The following NELL1 variants were observed in gnomAD, a reference collection of about 807,000 sequenced individuals.
NELL1 encodes the protein neural EGFL like 1, also known as protein kinase C-binding protein NELL1.
NELL1 carries 76 observed loss-of-function variants against 107.4 expected under a neutral mutation model. That is an observed-to-expected ratio of 0.71 (90% CI 0.59 to 0.86). The LOEUF (loss-of-function observed/expected upper bound fraction) is 0.86. Among genes scored for constraint, NELL1 ranks in the 40% least tolerant of loss-of-function variants. The pLI, the probability that NELL1 is intolerant of heterozygous loss-of-function variation, is 0.00. For missense variants in NELL1, 1,024 were observed against 1,005.5 expected, an observed-to-expected ratio of 1.02 and a Z score of -0.25; for synonymous variants, 353 against 341.2, an observed-to-expected ratio of 1.03 and a Z score of -0.38.
intron 13 of NELL1, among the ~76,000 whole-genome samples, chr11:21,197,418 C>CA (rs58951508): frequency 7.0e-6 from 1 of 142,666 alleles, no homozygotes; most frequent in African/African-American, 2.6e-5. Flanking sequence ...AACAAACAAC[C>CA]AAAAAAAAAA....
At chr11:21,258,896 A>T (rs924314434) in intron 14 of NELL1, among the ~76,000 whole-genome samples, 1 of 151,998 alleles carries the variant, frequency 6.6e-6, no homozygotes, top group South Asian at 2.1e-4. Flanking sequence ...CATAATTATT[A>T]CTAATGGAAT....
At chr11:21,055,521 C>T (rs1027584914) in intron 12 of NELL1, among the ~76,000 whole-genome samples, 1 of 152,110 alleles carries the variant, frequency 6.6e-6, no homozygotes, top group Non-Finnish European at 1.5e-5. Flanking sequence ...TTACATAATT[C>T]TTTATAAATC....
At chr11:20,672,188 G>A (rs1018110805) in intron 1 of NELL1, among the ~76,000 whole-genome samples, 3 of 152,230 alleles carry the variant, frequency 2.0e-5, no homozygotes, top group African/African-American at 4.8e-5. Context: ...GCAGCCCTCT[G>A]ATTCTGTGCA....
chr11:21,030,274 T>TA (rs1852920544), intron 12 of NELL1, among the ~76,000 whole-genome samples: 1 of 152,206 alleles, frequency 6.6e-6, no homozygotes, highest in Non-Finnish European at 1.5e-5. Flanking sequence ...TGGTTCAGGT[T>TA]AAAGCCTTGT....
At chr11:21,042,781 A>G (rs1045034987) in intron 12 of NELL1, among the ~76,000 whole-genome samples, 3 of 152,168 alleles carry the variant, frequency 2.0e-5, no homozygotes, top group African/African-American at 2.4e-5. Flanking sequence ...TGTTTCCAAC[A>G]TAAATTCCAA....
chr11:20,956,091 C>T (rs919044151), intron 11 of NELL1, among the ~76,000 whole-genome samples: 8 of 152,012 alleles, frequency 5.3e-5, no homozygotes, highest in South Asian at 4.2e-4. Context: ...TGGTGGTACA[C>T]GCCTGTAGTC....
At chr11:21,337,762 T>TTC (rs1240064939) in intron 14 of NELL1, among the ~76,000 whole-genome samples, 2 of 144,370 alleles carry the variant, frequency 1.4e-5, no homozygotes, top group African/African-American at 5.2e-5. Context: ...CTTTCTTTCT[T>TTC]TCTTTCTTTC....
intron 19 of NELL1, among the ~76,000 whole-genome samples, chr11:21,573,828 C>T (rs1255941602): frequency 1.3e-5 from 2 of 149,644 alleles, no homozygotes; most frequent in African/African-American, 5.1e-5. Flanking sequence ...TCCTTTCATC[C>T]TGGAAAAGTT....
At chr11:20,959,868 C>A (rs1348030280) in intron 11 of NELL1, among the ~76,000 whole-genome samples, 1 of 152,080 alleles carries the variant, frequency 6.6e-6, no homozygotes, top group African/African-American at 2.4e-5. Context: ...AGATTTCCCT[C>A]ATATGGAGTT....
chr11:21,474,574 G>A (rs1040897863), intron 15 of NELL1, among the ~76,000 whole-genome samples: 6 of 152,076 alleles, frequency 3.9e-5, no homozygotes, highest in African/African-American at 1.2e-4. Context: ...ATGCAAGGTT[G>A]CCAGTCTAAT....
At chr11:21,542,876 T>C (rs1467033049) in intron 16 of NELL1, among the ~76,000 whole-genome samples, 1 of 152,100 alleles carries the variant, frequency 6.6e-6, no homozygotes, top group East Asian at 1.9e-4. Context: ...CCAATGATAG[T>C]TATCAAAGAT....
At chr11:21,405,558 C>A (rs1180660370) in intron 15 of NELL1, among the ~76,000 whole-genome samples, 1 of 151,972 alleles carries the variant, frequency 6.6e-6, no homozygotes, top group Non-Finnish European at 1.5e-5. Flanking sequence ...CCAAAACAAA[C>A]AGTTCTGTTC....
At chr11:21,230,163 T>G (rs1278087275) in intron 14 of NELL1, among the ~76,000 whole-genome samples, 1 of 152,212 alleles carries the variant, frequency 6.6e-6, no homozygotes, top group Non-Finnish European at 1.5e-5. Flanking sequence ...GTACGCTTAG[T>G]ACTTCTTAGC....
chr11:21,182,401 C>T (rs1590711724), intron 13 of NELL1, among the ~76,000 whole-genome samples: 1 of 148,606 alleles, frequency 6.7e-6, no homozygotes, highest in Non-Finnish European at 1.5e-5. Flanking sequence ...CGCCACTGCA[C>T]TGCAGCCTGG....
chr11:20,976,518 C>T (rs1232348588), intron 12 of NELL1, among the ~76,000 whole-genome samples: 1 of 152,012 alleles, frequency 6.6e-6, no homozygotes, highest in East Asian at 1.9e-4. Context: ...AAGTTTATTC[C>T]ATTTTTCCTA....
Position 20,783,807 on chromosome 11 carries a change from G to A in NELL1, c.312G>A (p.Leu104=), listed in dbSNP as rs765113385. 8 of 1,612,728 alleles carry A rather than the reference G, an allele frequency of 5.0e-6. No individual in the cohort carries two copies. The highest frequency in any genetic ancestry group is 1.3e-5 in the African/African-American group (1 of 74,884). ...QQKPSTSGVI[L]SIRELEHSYF... ...AGCCATCCACTTCAGGAGTGATACT[G>A]TCCATTCGAGAACTGGAGCACAGGT... Residue 104 remains leucine (L), a synonymous_variant, in exon 3 of 20, where the codon CTG becomes CTA. Coordinates refer to ENST00000357134, the MANE Select transcript of NELL1 (RefSeq NM_006157.5).
intron 2 of NELL1, among the ~76,000 whole-genome samples, chr11:20,731,787 G>A (rs1855650694): frequency 6.6e-6 from 1 of 152,208 alleles, no homozygotes; most frequent in African/African-American, 2.4e-5. Context: ...AAAATGCTAA[G>A]CATATGTCCG....
At chr11:21,476,029 A>G (rs1854324280) in intron 15 of NELL1, among the ~76,000 whole-genome samples, 1 of 152,176 alleles carries the variant, frequency 6.6e-6, no homozygotes, top group Non-Finnish European at 1.5e-5. Flanking sequence ...TCTGAGTTGT[A>G]CATGTACAGT....
At chr11:21,003,953 G>A (rs898873177) in intron 12 of NELL1, among the ~76,000 whole-genome samples, 4 of 152,096 alleles carry the variant, frequency 2.6e-5, no homozygotes, top group African/African-American at 4.8e-5. Context: ...AGTGATGAAT[G>A]TGAGAAAAAT....
Sources: allele counts gnomAD v4.1 joint callset (sites outside exome capture counted in the v4.1 genomes callset), GRCh38; gene constraint gnomAD v4.1.1; transcripts MANE v1.5; gene names NCBI Gene and HGNC (gene_info 2026-07-23, HGNC 2026-07-21).